TRAK1: variants seen among roughly 807,000 people sequenced by gnomAD.
TRAK1 encodes the protein trafficking kinesin protein 1, also known as trafficking kinesin-binding protein 1.
Under a neutral mutation model 92.1 loss-of-function variants are expected in TRAK1, and 33 were observed. The observed-to-expected ratio is 0.36, with a 90% CI of 0.27 to 0.48. The LOEUF is 0.48. TRAK1 is among the 20% of genes least tolerant of loss of function. TRAK1 has a pLI of 0.99. For synonymous variants in TRAK1, 521 were observed against 517.3 expected, an observed-to-expected ratio of 1.01 and a Z score of -0.10; for missense variants, 1,123 against 1,257.9, an observed-to-expected ratio of 0.89 and a Z score of 1.62.
Position 42,157,489 on chromosome 3 carries a change from A to AAAAAAAAAAAAAAAG in TRAK1, c.287-19325_287-19324insAAAAAAAAAAAAAAG, listed in dbSNP as rs1553739632. On this transcript the variant is annotated intron_variant, in intron 2 of 15. Coordinates refer to ENST00000327628, the MANE Select transcript of TRAK1 (RefSeq NM_001042646.3). ...AAAAAAAAAAAAAAAAAAAAAAAAA[A>AAAAAAAAAAAAAAAG]GGTTAACATTGGCAGTAGTGGGACC... 2.1e-5 allele frequency among the ~76,000 whole-genome samples: 3 copies of AAAAAAAAAAAAAAAG among 144,724 alleles called. 1 individual carries two copies. Among genetic ancestry groups the AAAAAAAAAAAAAAAG allele is most frequent in the Non-Finnish European group, 4.6e-5 (3 of 65,612 alleles). The allele number at this position is 144,724 out of a possible 152,430, so 94.9% of individuals were successfully genotyped here. A position where few individuals can be genotyped will look rare whatever the true frequency, so the allele number is the denominator to read the frequency against.
intron 13 of TRAK1, chr3:42,203,268 T>G (rs748995824): frequency 2.0e-6 from 2 of 1,011,494 alleles, no homozygotes; most frequent in Non-Finnish European, 2.4e-6. Context: ...GAACTTCATA[T>G]AGCAAGGTTG....
At chr3:42,161,924 A>G (rs1701323287) in intron 2 of TRAK1, among the ~76,000 whole-genome samples, 1 of 152,188 alleles carries the variant, frequency 6.6e-6, no homozygotes, top group African/African-American at 2.4e-5. Context: ...GGGCTCCCCC[A>G]GATTTAGCTG....
At chr3:42,183,142 A>T (rs1375115684) in intron 3 of TRAK1, among the ~76,000 whole-genome samples, 1 of 152,232 alleles carries the variant, frequency 6.6e-6, no homozygotes, top group African/African-American at 2.4e-5. Context: ...CTTATTACAT[A>T]TAATGCACTT....
chr3:42,183,939 A>G (rs557367305), intron 3 of TRAK1, among the ~76,000 whole-genome samples: 1 of 152,290 alleles, frequency 6.6e-6, no homozygotes, highest in South Asian at 2.1e-4. Flanking sequence ...TTTCCTCTGT[A>G]TACTGGCTCT....
chr3:42,216,939 G>C (rs1395853979), intron 14 of TRAK1, among the ~76,000 whole-genome samples: 1 of 152,140 alleles, frequency 6.6e-6, no homozygotes, highest in Non-Finnish European at 1.5e-5. Flanking sequence ...TGAGCAGCAT[G>C]GGATGAACAC....
chr3:42,071,842 C>A (rs949654804), intron 1 of TRAK1, among the ~76,000 whole-genome samples: 4 of 152,044 alleles, frequency 2.6e-5, no homozygotes, highest in Non-Finnish European at 5.9e-5. Flanking sequence ...CCTTCTCAGG[C>A]AAAGTTTTCC....
chr3:42,059,919 G>A (rs1043700201), intron 1 of TRAK1, among the ~76,000 whole-genome samples: 7 of 151,066 alleles, frequency 4.6e-5, no homozygotes, highest in Non-Finnish European at 1.0e-4. Flanking sequence ...TACTTAGTGT[G>A]GACAATGATA....
At chr3:42,166,947 C>T (rs1396978748) in intron 2 of TRAK1, among the ~76,000 whole-genome samples, 1 of 152,180 alleles carries the variant, frequency 6.6e-6, no homozygotes, top group African/African-American at 2.4e-5. Flanking sequence ...CTGTTCCGGC[C>T]ACAAGGCTGC....
intron 1 of TRAK1, among the ~76,000 whole-genome samples, chr3:42,104,199 G>C (rs1382742838): frequency 6.6e-6 from 1 of 152,202 alleles, no homozygotes; most frequent in Non-Finnish European, 1.5e-5. Flanking sequence ...GCCCACTGCA[G>C]CTCAAGGAGG....
chr3:42,082,480 C>G (rs1276687144), upstream of TRAK1, among the ~76,000 whole-genome samples: 1 of 152,088 alleles, frequency 6.6e-6, no homozygotes, highest in African/African-American at 2.4e-5. Flanking sequence ...TGCCTGTAGT[C>G]TCAGCTACTT....
chr3:42,174,654 T>C (rs1037388536), intron 2 of TRAK1, among the ~76,000 whole-genome samples: 3 of 148,948 alleles, frequency 2.0e-5, no homozygotes, highest in Admixed American at 1.3e-4. Flanking sequence ...TGTGTATATA[T>C]ATATATACAC....
At chr3:42,085,447 A>G (rs1304995631), upstream of TRAK1, among the ~76,000 whole-genome samples, 2 of 152,108 alleles carry the variant, frequency 1.3e-5, no homozygotes, top group East Asian at 1.9e-4. Context: ...GGGATTACAG[A>G]TGTGAGCCAC....
At chr3:42,206,630 GTGTC>G (rs1156376719) in intron 13 of TRAK1, among the ~76,000 whole-genome samples, 1 of 152,250 alleles carries the variant, frequency 6.6e-6, no homozygotes, top group Non-Finnish European at 1.5e-5. Context: ...CCTCAGAAAA[GTGTC>G]TGGCGCTTAG....
chr3:42,169,594 C>A (rs1702289631), intron 2 of TRAK1, among the ~76,000 whole-genome samples: 1 of 151,528 alleles, frequency 6.6e-6, no homozygotes, highest in African/African-American at 2.4e-5. Context: ...TCACTTGAAC[C>A]TGGGAGGCAG....
rs151056622 is a variant in TRAK1, at chr3:42,223,456, G to A, written c.2581G>A (p.Ala861Thr). Residue 861 changes from alanine to threonine, a missense_variant, in exon 16 of 16, where the codon GCC becomes ACC. This residue lies in a region of TRAK1 where 401 missense variants were observed against 438.9 expected (regional missense o/e 0.91). Transcript: ENST00000327628. This position sits in a 1 kb window ranked among gnomAD's most constrained non-coding sequence, Gnocchi z 6.1. ...GVAKVVNSGR[A>T]HVPTLTEEQG... ...GGCCAAAGTGGTGAACTCAGGGCGA[G>A]CCCATGTCCCCACCTTGACTGAGGA... The A allele has an allele frequency of 2.6e-5, 42 of 1,613,988 alleles. No homozygotes were observed. The African/African-American group carries it at 5.1e-4, about 19-fold the overall frequency.
At chr3:42,089,624 TATGAC>T, upstream of TRAK1, among the ~76,000 whole-genome samples, 1 of 151,870 alleles carries the variant, frequency 6.6e-6, no homozygotes, top group South Asian at 2.1e-4. Flanking sequence ...CAGATATCCT[TATGAC>T]CCCCTCTTCC....
chr3:42,024,835 C>T (rs186576943), intron 1 of TRAK1, among the ~76,000 whole-genome samples: 1 of 152,274 alleles, frequency 6.6e-6, no homozygotes, highest in East Asian at 1.9e-4. Context: ...TTACCATAGC[C>T]ATTTGACTCT....
chr3:42,177,344 A>G (rs141549262), intron 3 of TRAK1, among the ~76,000 whole-genome samples: 1 of 152,356 alleles, frequency 6.6e-6, no homozygotes, highest in East Asian at 1.9e-4. Context: ...GTTGCTTAAG[A>G]TTAGGTGAGC....
In TRAK1 at chr3:42,132,424, C is replaced by T. The variant is rs115829520; in HGVS notation, c.286+6810C>T. On this transcript the variant is annotated intron_variant, in intron 2 of 15. Coordinates refer to ENST00000327628, the MANE Select transcript of TRAK1 (RefSeq NM_001042646.3). ...ACTACAGGCACATGCCACCATGCCT[C>T]GCTAACTTTCATATTTTTTTGTAGA... is the stretch of plus-strand genomic sequence containing the variant. Among the ~76,000 whole-genome samples the T allele has an allele frequency of 3.6e-3, 547 of 151,706 alleles. 1 individual carries two copies. Among genetic ancestry groups the T allele is most frequent in the African/African-American group, 0.012 (499 of 41,386 alleles).
Sources: gnomAD v4.1 joint callset for allele counts (sites outside exome capture counted in the v4.1 genomes callset) on GRCh38, gnomAD v4.1.1 for gene constraint, gnomAD v4.1.1 regional missense constraint, Gnocchi (gnomAD v3.1) non-coding constraint, MANE v1.5 for transcripts, NCBI Gene and HGNC (gene_info 2026-07-23, HGNC 2026-07-21) for gene names.